The following TDRKH variants were observed in gnomAD, a reference collection of about 807,000 sequenced individuals.
TDRKH encodes the protein tudor and KH domain-containing protein.
In TDRKH, 28 loss-of-function variants were observed where a neutral mutation model predicts 61.3. That is an observed-to-expected ratio of 0.46 (90% CI 0.34 to 0.63). The LOEUF (loss-of-function observed/expected upper bound fraction) is 0.63. Among genes scored for constraint, TDRKH ranks in the 20% least tolerant of loss-of-function variants. The probability of loss-of-function intolerance (pLI) is 0.01; values close to 1 mark genes in which losing one functional copy is unlikely to be tolerated. For synonymous variants in TDRKH, 219 were observed against 244.4 expected, an observed-to-expected ratio of 0.90 and a Z score of 0.97; for missense variants, 540 against 683.4, an observed-to-expected ratio of 0.79 and a Z score of 2.34.
chr1:151,780,395 T>C lies in TDRKH; in HGVS notation c.232-255A>G, dbSNP rs145731687. Among the ~76,000 whole-genome samples the C allele has an allele frequency of 3.5e-3, 533 of 152,338 alleles. 7 individuals carry two copies. The highest frequency in any genetic ancestry group is 0.012 in the African/African-American group (505 of 41,566). ...CAGTAAATTCAAACCCATTTATCTT[T>C]GTGTTTAGAATCCTTTCCCCTTACT... On this transcript the variant is annotated intron_variant, in intron 3 of 12. Coordinates refer to ENST00000368824, the MANE Select transcript of TDRKH (RefSeq NM_001083965.2).
chr1:151,771,475 C>A (rs892485961), downstream of TDRKH: 14 of 691,426 alleles, frequency 2.0e-5, no homozygotes, highest in Non-Finnish European at 2.7e-5. Context: ...TTCCCTTTGC[C>A]TTCCTCCATG....
At chr1:151,767,834 G>T, downstream of TDRKH, 1 of 573,630 alleles carries the variant, frequency 1.7e-6, no homozygotes, top group Non-Finnish European at 3.0e-6. Context: ...GAAGTCAACA[G>T]GCAGTAATAC....
At chr1:151,781,259 G>A (rs1183817776) in intron 3 of TDRKH, among the ~76,000 whole-genome samples, 6 of 148,644 alleles carry the variant, frequency 4.0e-5, no homozygotes, top group African/African-American at 1.5e-4. Flanking sequence ...GGATGTTGCA[G>A]TGAGCCGAGA....
downstream of TDRKH, among the ~76,000 whole-genome samples, chr1:151,770,730 G>T (rs1177787963): frequency 6.6e-6 from 1 of 152,192 alleles, no homozygotes; most frequent in East Asian, 1.9e-4. Flanking sequence ...TACTATTTCA[G>T]AGCTTACTAT....
At chr1:151,772,055 T>A (rs1444291631), downstream of TDRKH, 1 of 398,206 alleles carries the variant, frequency 2.5e-6, no homozygotes, top group Non-Finnish European at 4.4e-6. Context: ...TCACCAGAAC[T>A]GTTCCTTCAC....
chr1:151,782,781 AC>A lies in TDRKH; in HGVS notation c.124+117del, dbSNP rs1165315439. On this transcript the variant is annotated intron_variant, in intron 2 of 12. Coordinates refer to ENST00000368824, the MANE Select transcript of TDRKH (RefSeq NM_001083965.2). The stretch of plus-strand genomic sequence containing the variant: ...TGAGACCCTGTCTCAAAAAAACCCC[AC>A]AAAAAACCCCAAAACAAAACACACA... 30 of 1,384,438 alleles carry A rather than the reference AC, an allele frequency of 2.2e-5. No individual in the cohort carries two copies. The African/African-American group carries it at 3.3e-4, about 15-fold the overall frequency. The allele number at this position is 1,384,438 out of a possible 1,614,324, so 85.8% of individuals were successfully genotyped here. A position where few individuals can be genotyped will look rare whatever the true frequency, so the allele number is the denominator to read the frequency against.
intron 1 of TDRKH, among the ~76,000 whole-genome samples, chr1:151,789,521 G>A (rs964055835): frequency 6.6e-6 from 1 of 152,222 alleles, no homozygotes; most frequent in Non-Finnish European, 1.5e-5. Context: ...GAGGATCATT[G>A]TTCAGTGAGG....
At position 151,781,619 on chromosome 1, in the gene TDRKH, T is replaced by C. The variant is rs1315243197; in HGVS notation, c.125-32A>G. 7 of 1,599,304 alleles carry C rather than the reference T, an allele frequency of 4.4e-6. No individual in the cohort carries two copies. In the Admixed American group the frequency reaches 6.7e-5, roughly 15 times the overall value. On this transcript the variant is annotated intron_variant, in intron 2 of 12. Transcript: ENST00000368824. ...AGATCATTGTTCATCAGATCAGACT[T>C]AGATAACACCCAAAGCTAGTATAAC...
In TDRKH at chr1:151,778,726, T is replaced by C; in HGVS notation, c.842A>G (p.Lys281Arg). The part of the protein sequence containing the change: ...WEKPSDDSFQ[K>R]SEAQAIPEMP... The stretch of plus-strand genomic sequence containing the variant: ...CTCTGGGATGGCCTGGGCTTCAGAC[T>C]TCTGAAAGCTGTCATCACTAGGTTT... The change falls in exon 6 of 13, where the codon AAG (lysine) becomes AGG (arginine). Residue 281 changes from lysine to arginine, a missense_variant. Physicochemically the swap from Lys to Arg is conservative, Grantham distance 26. Around this residue, in one of 3 missense-constraint regions of TDRKH, gnomAD observed 379 missense variants for 443.8 expected, o/e 0.85. Coordinates refer to ENST00000368824, the MANE Select transcript of TDRKH (RefSeq NM_001083965.2). 1 of 1,614,186 alleles carries C rather than the reference T, an allele frequency of 6.2e-7. No homozygotes were observed.
At chr1:151,771,353 G>T (rs1045431029), downstream of TDRKH, 1 of 1,484,962 alleles carries the variant, frequency 6.7e-7, no homozygotes, top group Non-Finnish European at 8.9e-7. Context: ...GGTTTCTTGG[G>T]GGGGTGGGTA....
At chr1:151,771,463 G>T, downstream of TDRKH, 1 of 907,974 alleles carries the variant, frequency 1.1e-6, no homozygotes, top group East Asian at 3.4e-5. Flanking sequence ...AAGGATTTTT[G>T]GTTCCCTTTG....
At chr1:151,784,469 A>G (rs1045165706) in intron 1 of TDRKH, among the ~76,000 whole-genome samples, 3 of 152,194 alleles carry the variant, frequency 2.0e-5, no homozygotes, top group Admixed American at 1.3e-4. Flanking sequence ...CAGAGTCACC[A>G]ATGATTTCAT....
chr1:151,780,215 C>G, intron 3 of TDRKH, 75 bp from the exon 4 acceptor site: 1 of 1,504,846 alleles, frequency 6.6e-7, no homozygotes, highest in Middle Eastern at 2.0e-4. Flanking sequence ...CACTCTAAAA[C>G]AAACCCTGGA....
chr1:151,766,577 C>A (rs1296300291), downstream of TDRKH: 1 of 782,758 alleles, frequency 1.3e-6, no homozygotes, highest in Non-Finnish European at 2.0e-6. Context: ...AGATAAGCAG[C>A]AGAGTGGAGT....
At chr1:151,782,046 A>G (rs1217747312) in intron 2 of TDRKH, 1 of 449,086 alleles carries the variant, frequency 2.2e-6, no homozygotes, top group Non-Finnish European at 4.4e-6. Flanking sequence ...AATATATAAA[A>G]AAGATGAGTA....
At chr1:151,777,466 A>G (rs147376522) in intron 6 of TDRKH, among the ~76,000 whole-genome samples, 2 of 152,218 alleles carry the variant, frequency 1.3e-5, no homozygotes, top group Non-Finnish European at 2.9e-5. Context: ...GTATGTCTAG[A>G]GGAACAATAT....
downstream of TDRKH, chr1:151,767,400 G>T (rs893675668): frequency 3.3e-6 from 5 of 1,524,496 alleles, no homozygotes; most frequent in East Asian, 9.1e-5. Flanking sequence ...TACAGAGGTA[G>T]ATGGAATCTT....
chr1:151,771,907 G>A (rs1025878797), downstream of TDRKH: 6 of 398,482 alleles, frequency 1.5e-5, no homozygotes, highest in African/African-American at 1.2e-4. Context: ...AACCTCTAAA[G>A]AGTAAAGGTT....
intron 3 of TDRKH, 77 bp from the exon 4 acceptor site, chr1:151,780,217 A>C: frequency 6.8e-7 from 1 of 1,472,812 alleles, no homozygotes; most frequent in Non-Finnish European, 9.3e-7. Flanking sequence ...CTCTAAAACA[A>C]ACCCTGGAGG....
Sources: gnomAD v4.1 joint callset for allele counts (sites outside exome capture counted in the v4.1 genomes callset) on GRCh38, gnomAD v4.1.1 for gene constraint, gnomAD v4.1.1 regional missense constraint, MANE v1.5 for transcripts, NCBI Gene and HGNC (gene_info 2026-07-23, HGNC 2026-07-21) for gene names.